PPP2R5C: variants seen among roughly 807,000 people sequenced by gnomAD.
PPP2R5C encodes serine/threonine-protein phosphatase 2A 56 kDa regulatory subunit gamma isoform.
A neutral mutation model predicts 68.9 loss-of-function variants in PPP2R5C; 7 were observed. The observed-to-expected ratio is 0.10, with a 90% CI of 0.06 to 0.19. The LOEUF (loss-of-function observed/expected upper bound fraction) is 0.19. Ranked by LOEUF, PPP2R5C falls within the 10% of genes least tolerant of loss-of-function variation. The pLI, the probability that PPP2R5C is intolerant of heterozygous loss-of-function variation, is 1.00. For missense variants in PPP2R5C, 348 were observed against 641.3 expected (o/e 0.54, Z 4.94); for synonymous variants, 210 against 222.2 (o/e 0.95, Z 0.49).
intron 7 of PPP2R5C, among the ~76,000 whole-genome samples, chr14:101,894,070 T>G (rs1441395232): frequency 6.6e-6 from 1 of 152,248 alleles, no homozygotes; most frequent in Non-Finnish European, 1.5e-5. Context: ...TAGAACATAT[T>G]TATTTTCTCT....
Position 101,797,993 on chromosome 14 carries a change from C to G in PPP2R5C, c.259+11810C>G, listed in dbSNP as rs1157024702. Among the ~76,000 whole-genome samples the G allele has an allele frequency of 6.6e-6, 1 of 152,084 alleles. No homozygotes were observed. Among genetic ancestry groups the G allele is most frequent in the African/African-American group, 2.4e-5 (1 of 41,400 alleles). The stretch of plus-strand genomic sequence containing the variant: ...TCCCTGTGTCCTTGCTGTTGGCAAG[C>G]AGAAGTTCCCTGGCAGCCTTTGAAC... On this transcript the variant is annotated intron_variant, in intron 3 of 14. Transcript: ENST00000328724. The surrounding 1 kb of genome is among the most constrained non-coding windows in gnomAD (Gnocchi z 4.2).
At chr14:101,799,488 C>T (rs1455440970) in intron 3 of PPP2R5C, among the ~76,000 whole-genome samples, 2 of 152,144 alleles carry the variant, frequency 1.3e-5, no homozygotes, top group South Asian at 2.1e-4. Context: ...AAGGCAGCCT[C>T]GCTCCCCATG....
chr14:101,792,431 T>A (rs1012745324), intron 3 of PPP2R5C, among the ~76,000 whole-genome samples: 2 of 152,234 alleles, frequency 1.3e-5, no homozygotes, highest in Non-Finnish European at 2.9e-5. Context: ...GTAGTTTCAG[T>A]TTCACTAGCG....
chr14:101,888,407 C>G lies in PPP2R5C; in HGVS notation c.630-1830C>G, dbSNP rs1451063224. On this transcript the variant is annotated intron_variant, in intron 5 of 13. Coordinates refer to ENST00000334743, the Ensembl canonical transcript of PPP2R5C. The surrounding 1 kb of genome is among the most constrained non-coding windows in gnomAD (Gnocchi z 5.6). ...CACCAGGTGCGAGCATTTTCTGTTT[C>G]TTGTCATGGCACCAGTGTCGTTCCT... Among the ~76,000 whole-genome samples, 4 of 152,022 alleles carry G rather than the reference C, an allele frequency of 2.6e-5. No homozygotes were observed. The highest frequency in any genetic ancestry group is 2.6e-4 in the Admixed American group (4 of 15,250).
At chr14:101,876,416 G>GTT (rs71116856) in intron 2 of PPP2R5C, among the ~76,000 whole-genome samples, 6 of 146,104 alleles carry the variant, frequency 4.1e-5, no homozygotes, top group Admixed American at 6.9e-5. Context: ...ACTGTCAGCG[G>GTT]TTTTTTTTTT....
intron 3 of PPP2R5C, chr14:101,796,838 G>A (rs1403883122): frequency 1.6e-5 from 4 of 251,348 alleles, no homozygotes; most frequent in Admixed American, 9.9e-5. Context: ...CTGGTCCAGC[G>A]CCCTGCTGCC....
At chr14:101,866,309 T>C (rs1264839053) in intron 2 of PPP2R5C, among the ~76,000 whole-genome samples, 3 of 152,274 alleles carry the variant, frequency 2.0e-5, no homozygotes, top group African/African-American at 7.2e-5. Context: ...TATGATTTCA[T>C]GTTTGTAACA....
intron 10 of PPP2R5C, among the ~76,000 whole-genome samples, chr14:101,908,803 C>T (rs185905316): frequency 1.4e-4 from 21 of 152,206 alleles, no homozygotes; most frequent in Admixed American, 1.2e-3. Flanking sequence ...AATCCCCGCC[C>T]ATTGCAAAGA....
upstream of PPP2R5C, among the ~76,000 whole-genome samples, chr14:101,808,701 G>T (rs574711925): frequency 7.9e-5 from 12 of 152,170 alleles, no homozygotes; most frequent in Non-Finnish European, 1.3e-4. Context: ...TTCACAAGTG[G>T]GGGGAAGAGA....
intron 1 of PPP2R5C, among the ~76,000 whole-genome samples, chr14:101,822,994 A>G (rs1279580533): frequency 6.6e-6 from 1 of 152,212 alleles, no homozygotes; most frequent in Non-Finnish European, 1.5e-5. Flanking sequence ...ATAGTGTAAC[A>G]TACGGGCTGA....
Position 101,877,609 on chromosome 14 carries a change from C to T in PPP2R5C, c.295-4552C>T, listed in dbSNP as rs1039653464. On this transcript the variant is annotated intron_variant, in intron 2 of 13. Transcript: ENST00000334743. The surrounding 1 kb of genome is among the most constrained non-coding windows in gnomAD (Gnocchi z 4.2). ...GACATCAGCACCCCAGGTTTCTGTA[C>T]CTGGGGCTCCTGCCCCTGATTCGCC... 6.6e-6 allele frequency among the ~76,000 whole-genome samples: 1 copy of T among 152,156 alleles called. No homozygotes were observed. The highest frequency in any genetic ancestry group is 1.5e-5 in the Non-Finnish European group (1 of 68,028).
At position 101,825,003 on chromosome 14, in the gene PPP2R5C, C is replaced by T. The variant is rs935732406; in HGVS notation, c.94+14967C>T. ...TATGTCAAAAGGGTGTAAGTAGCAT[C>T]CCTTTATGACTGATGAAAGGAGAGC... On this transcript the variant is annotated intron_variant, in intron 1 of 13. Coordinates refer to ENST00000334743, the Ensembl canonical transcript of PPP2R5C. The surrounding 1 kb of genome is among the most constrained non-coding windows in gnomAD (Gnocchi z 4.0). 1 of 152,214 alleles carries T rather than the reference C, an allele frequency of 6.6e-6. No individual in the cohort carries two copies. The highest frequency in any genetic ancestry group is 6.5e-5 in the Admixed American group (1 of 15,276). 9.4% of individuals were successfully genotyped at this position (152,214 alleles called of 1,614,324 possible).
At chr14:101,872,628 T>C (rs1421220823) in intron 2 of PPP2R5C, among the ~76,000 whole-genome samples, 1 of 152,190 alleles carries the variant, frequency 6.6e-6, no homozygotes, top group Non-Finnish European at 1.5e-5. Flanking sequence ...TTGCTTGCAT[T>C]ATTTCTGATG....
intron 9 of PPP2R5C, 79 bp downstream of exon 11, chr14:101,901,968 A>G (rs2141030123): frequency 2.0e-6 from 3 of 1,468,600 alleles, no homozygotes; most frequent in Non-Finnish European, 9.3e-7. Context: ...GTAGCTGGCC[A>G]TGCTTTGCCT....
chr14:101,853,514 A>G (rs966255007), intron 1 of PPP2R5C, among the ~76,000 whole-genome samples: 1 of 152,200 alleles, frequency 6.6e-6, no homozygotes, highest in Non-Finnish European at 1.5e-5. Flanking sequence ...TGTTTGAATG[A>G]CAACTTAGTC....
intron 3 of PPP2R5C, among the ~76,000 whole-genome samples, chr14:101,793,120 C>T (rs895626482): frequency 1.3e-5 from 2 of 152,022 alleles, no homozygotes; most frequent in African/African-American, 4.8e-5. Context: ...TCAAGTGATC[C>T]ACCCACCTCG....
intron 3 of PPP2R5C, among the ~76,000 whole-genome samples, chr14:101,799,174 G>T (rs1217819101): frequency 6.6e-6 from 1 of 152,186 alleles, no homozygotes; most frequent in Non-Finnish European, 1.5e-5. Flanking sequence ...GGATGAGGGT[G>T]GTCTAAGCCG....
chr14:101,890,377 G>A (rs774601443), intron 6 of PPP2R5C, 81 bp downstream of exon 8: 126 of 1,345,642 alleles, frequency 9.4e-5, no homozygotes, highest in Admixed American at 5.8e-4. Flanking sequence ...CCAGCTGCCC[G>A]CTTTAAAGCA....
chr14:101,816,993 C>G (rs1419049339), intron 1 of PPP2R5C, among the ~76,000 whole-genome samples: 2 of 142,620 alleles, frequency 1.4e-5, no homozygotes, highest in African/African-American at 5.2e-5. Context: ...GAGTCTTGCT[C>G]TGTTGCCAGG....
Sources: allele counts gnomAD v4.1 joint callset (sites outside exome capture counted in the v4.1 genomes callset), GRCh38; gene constraint gnomAD v4.1.1; non-coding constraint Gnocchi (gnomAD v3.1); transcripts MANE v1.5; gene names NCBI Gene and HGNC (gene_info 2026-07-23, HGNC 2026-07-21).